Variants in GLRA2 observed in about 807,000 individuals in gnomAD.
GLRA2 encodes the protein glycine receptor alpha 2.
In GLRA2, 11 loss-of-function variants were observed where a neutral mutation model predicts 31.6. That is an observed-to-expected ratio of 0.35 (90% CI 0.22 to 0.58). The LOEUF is 0.58. GLRA2 is among the 20% of genes least tolerant of loss of function. The pLI is 0.84. For synonymous variants in GLRA2, 132 were observed against 134.0 expected (o/e 0.99, Z 0.10); for missense variants, 212 against 351.8 (o/e 0.60, Z 3.18).
At chrX:14,674,353 C>T (rs2091122620) in intron 7 of GLRA2, among the ~76,000 whole-genome samples, 1 of 112,119 alleles carries the variant, frequency 8.9e-6, no homozygotes, top group Non-Finnish European at 1.9e-5. Context: ...AGTCTTAGTC[C>T]ATGCACAAAA....
intron 7 of GLRA2, among the ~76,000 whole-genome samples, chrX:14,671,330 A>G (rs2091090494): frequency 8.9e-6 from 1 of 112,121 alleles, no homozygotes; most frequent in African/African-American, 3.2e-5. Flanking sequence ...TTGTTTCAGT[A>G]AACTGCAGAC....
chrX:14,637,292 C>G (rs1449156311), intron 7 of GLRA2, among the ~76,000 whole-genome samples: 1 of 111,842 alleles, frequency 8.9e-6, no homozygotes, highest in Non-Finnish European at 1.9e-5. Flanking sequence ...TACCTGACTT[C>G]CCAGTGTATC....
chrX:14,607,330 G>C, intron 6 of GLRA2, 62 bp downstream of exon 6: 2 of 915,076 alleles, frequency 2.2e-6, no homozygotes, highest in South Asian at 4.7e-5. Flanking sequence ...TTGCAGTTTG[G>C]AGTATACATC....
the GLRA2 span, among the ~76,000 whole-genome samples, chrX:14,486,353 G>T: frequency 9.0e-6 from 1 of 111,347 alleles, no homozygotes; most frequent in Admixed American, 9.6e-5. Flanking sequence ...TCTTTTAAAA[G>T]ATGACAGATA....
chrX:14,600,524 TA>T (rs2090257310), intron 4 of GLRA2, among the ~76,000 whole-genome samples: 1 of 111,555 alleles, frequency 9.0e-6, no homozygotes, highest in Non-Finnish European at 1.9e-5. Context: ...AACATTTTTT[TA>T]ATTTAAATTT....
intron 8 of GLRA2, among the ~76,000 whole-genome samples, chrX:14,712,443 TTTTGTCTTC>T (rs2091724974): frequency 9.0e-6 from 1 of 111,602 alleles, no homozygotes; most frequent in South Asian, 3.7e-4. Flanking sequence ...AAGTGCAGGA[TTTTGTCTTC>T]TTTATCCTTG....
chrX:14,662,126 G>C (rs1343759577), intron 7 of GLRA2, among the ~76,000 whole-genome samples: 2 of 110,072 alleles, frequency 1.8e-5, no homozygotes, highest in Non-Finnish European at 3.8e-5. Flanking sequence ...AGGACACCGA[G>C]ATTTATTATT....
chrX:14,565,014 C>CA (rs947805256), intron 2 of GLRA2, among the ~76,000 whole-genome samples: 2 of 107,865 alleles, frequency 1.9e-5, no homozygotes, highest in African/African-American at 6.8e-5. Flanking sequence ...TGGTTCACTA[C>CA]AAAAAAAATC....
At chrX:14,459,347 G>A in the GLRA2 span, among the ~76,000 whole-genome samples, 1 of 111,262 alleles carries the variant, frequency 9.0e-6, no homozygotes, top group African/African-American at 3.3e-5. Flanking sequence ...GATTGACTTG[G>A]CAATGAGGGC....
At chrX:14,465,413 T>G in the GLRA2 span, among the ~76,000 whole-genome samples, 1 of 112,339 alleles carries the variant, frequency 8.9e-6, no homozygotes, top group Non-Finnish European at 1.9e-5. Flanking sequence ...ACAATTCGAC[T>G]TCTTCTTTCC....
At chrX:14,488,370 G>C in the GLRA2 span, among the ~76,000 whole-genome samples, 36 of 112,201 alleles carry the variant, frequency 3.2e-4, no homozygotes, top group African/African-American at 1.1e-3. Flanking sequence ...ATTCAGAGTT[G>C]AACAGGGAGT....
intron 7 of GLRA2, among the ~76,000 whole-genome samples, chrX:14,663,897 AAG>A (rs1421257947): frequency 9.0e-6 from 1 of 111,242 alleles, no homozygotes; most frequent in African/African-American, 3.3e-5. Flanking sequence ...GTAGTCTCTT[AAG>A]AGTCTTTTAA....
chrX:14,620,197 G>C (rs928048083), intron 7 of GLRA2, among the ~76,000 whole-genome samples: 2 of 109,180 alleles, frequency 1.8e-5, no homozygotes, highest in Non-Finnish European at 3.8e-5. Context: ...TAGTGGTTTA[G>C]ATAAGAGGGC....
At chrX:14,681,995 ATG>A (rs756711239) in intron 7 of GLRA2, among the ~76,000 whole-genome samples, 3,114 of 90,560 alleles carry the variant, frequency 0.034, 109 homozygotes, top group Admixed American at 0.09. Flanking sequence ...TTATATATGT[ATG>A]TGTGTGTGTG....
intron 8 of GLRA2, among the ~76,000 whole-genome samples, chrX:14,711,393 G>A (rs1226712479): frequency 1.8e-5 from 2 of 112,259 alleles, no homozygotes; most frequent in African/African-American, 3.2e-5. Flanking sequence ...GTTCTGATAC[G>A]CTAATTAGAT....
chrX:14,471,371 T>C, the GLRA2 span, among the ~76,000 whole-genome samples: 1 of 111,588 alleles, frequency 9.0e-6, no homozygotes, highest in Non-Finnish European at 1.9e-5. Context: ...GGAGCTCCAT[T>C]CTCATTTAAG....
intron 8 of GLRA2, among the ~76,000 whole-genome samples, chrX:14,721,790 C>T (rs933001396): frequency 9.0e-6 from 1 of 111,263 alleles, no homozygotes; most frequent in African/African-American, 3.3e-5. Flanking sequence ...AGTTCTTTGT[C>T]CTCTCTCAGT....
At chrX:14,671,253 T>C (rs1340033072) in intron 7 of GLRA2, among the ~76,000 whole-genome samples, 1 of 111,682 alleles carries the variant, frequency 9.0e-6, no homozygotes, top group Non-Finnish European at 1.9e-5. Flanking sequence ...TGGTTCTAAA[T>C]GGCAATGATG....
the GLRA2 span, among the ~76,000 whole-genome samples, chrX:14,510,952 A>G: frequency 7.3e-5 from 8 of 109,793 alleles, no homozygotes; most frequent in Non-Finnish European, 1.5e-4. Flanking sequence ...TTATACTTTA[A>G]GTTTTAGGGT....
Sources: gnomAD v4.1 joint callset for allele counts (sites outside exome capture counted in the v4.1 genomes callset) on GRCh38, gnomAD v4.1.1 for gene constraint, MANE v1.5 for transcripts, NCBI Gene and HGNC (gene_info 2026-07-23, HGNC 2026-07-21) for gene names.